VSIG10L2: variants seen among roughly 807,000 people sequenced by gnomAD.
VSIG10L2 encodes V-set and immunoglobulin domain containing 10 like 2, also known as V-set and immunoglobulin domain-containing protein 10-like 2.
In VSIG10L2, 56 loss-of-function variants were observed where a neutral mutation model predicts 67.1. That is an observed-to-expected ratio of 0.83 (90% confidence interval 0.67 to 1.04). The LOEUF is 1.04. VSIG10L2 is among the 50% of genes least tolerant of loss of function. The pLI is 0.00. For missense variants in VSIG10L2, 843 were observed against 932.8 expected, an observed-to-expected ratio of 0.90 and a Z score of 1.25; for synonymous variants, 360 against 396.6, an observed-to-expected ratio of 0.91 and a Z score of 1.10.
At chr11:125,953,022 G>C (rs1476330028) in intron 6 of VSIG10L2, among the ~76,000 whole-genome samples, 1 of 152,172 alleles carries the variant, frequency 6.6e-6, no homozygotes. Context: ...ACCTGCTATG[G>C]TCCCAGCACT....
At position 125,955,865 on chromosome 11, in the gene VSIG10L2, C is replaced by A. The variant is rs992552571; in HGVS notation, c.2333C>A (p.Thr778Asn). 2.9e-6 allele frequency: 2 copies of A among 695,982 alleles called. No homozygotes were observed. Among genetic ancestry groups the A allele is most frequent in the Admixed American group, 2.1e-5 (1 of 48,584 alleles). The allele number at this position is 695,982 out of a possible 1,614,324, so 43.1% of individuals were successfully genotyped here. The part of the protein sequence containing the change: ...TTPGLDPAQE[T>N]TDSPVNVTIT... ...CCAGGTTTGGATCCTGCACAAGAAACCACGGATTCTCCAGTGAATGTCACC... is the reference window on the plus strand; with the variant it reads ...CCAGGTTTGGATCCTGCACAAGAAAACACGGATTCTCCAGTGAATGTCACC... Residue 778 changes from threonine to asparagine, a missense_variant, in exon 12 of 12, where the codon ACC (threonine) becomes AAC (asparagine). By Grantham distance (65) the Thr-to-Asn change is moderately conservative. This residue lies in a region of VSIG10L2 where 397 missense variants were observed against 384.4 expected (regional missense o/e 1.03). Transcript: ENST00000686984.
chr11:125,952,026 G>A lies in VSIG10L2; in HGVS notation c.1448G>A (p.Gly483Asp). 2.0e-6 allele frequency: 3 copies of A among 1,536,050 alleles called. No homozygotes were observed. Among genetic ancestry groups the A allele is most frequent in the East Asian group, 2.4e-5 (1 of 40,924 alleles). ...GCTGGCAGAGAGTTCACCTGCCGGGGCACTCACCTGCTCAGGACCCCTGAC... is the reference window on the plus strand; with the variant it reads ...GCTGGCAGAGAGTTCACCTGCCGGGACACTCACCTGCTCAGGACCCCTGAC... The part of the protein sequence containing the change: ...DLAGREFTCR[G>D]THLLRTPDPH... Residue 483 changes from glycine (G) to aspartate (D), a missense_variant, in exon 6 of 12, where the codon GGC becomes GAC. By Grantham distance (94) the Gly-to-Asp change is moderately conservative. Around this residue, in one of 2 missense-constraint regions of VSIG10L2, gnomAD observed 397 missense variants for 384.4 expected, o/e 1.03. Transcript: ENST00000686984.
At position 125,951,062 on chromosome 11, in the gene VSIG10L2, A is replaced by G. The variant is rs1278847400; in HGVS notation, c.1138A>G (p.Ser380Gly). Residue 380 changes from serine (S) to glycine (G), a missense_variant, in exon 5 of 12, where the codon AGT (serine) becomes GGT (glycine). Around this residue, in one of 2 missense-constraint regions of VSIG10L2, gnomAD observed 446 missense variants for 548.4 expected, o/e 0.81. Transcript: ENST00000686984. The part of the protein sequence containing the change: ...GPTAPSNVTW[S>G]HAAAQLPSGS... ...TACTGCCCCCAGCAACGTCACCTGG[A>G]GTCACGCAGCCGCCCAGCTCCCCAG... 11 of 1,232,692 alleles carry G rather than the reference A, an allele frequency of 8.9e-6. No individual in the cohort carries two copies. The African/African-American group carries it at 1.1e-4, about 12-fold the overall frequency. The allele number at this position is 1,232,692 out of a possible 1,614,324, so 76.4% of individuals were successfully genotyped here. A position where few individuals can be genotyped will look rare whatever the true frequency, so the allele number is the denominator to read the frequency against.
rs906537490 is a variant in VSIG10L2, at chr11:125,954,074, C to T, written c.1787-13C>T. 4.9e-6 allele frequency: 6 copies of T among 1,232,022 alleles called. No homozygotes were observed. Among genetic ancestry groups the T allele is most frequent in the Non-Finnish European group, 6.1e-6 (6 of 988,028 alleles). 76.3% of individuals were successfully genotyped at this position (1,232,022 alleles called of 1,614,324 possible). ...GTATACATGTCCCTTGTTTTGTCCCCACCCTCACCCAGGATATCCAGCTCC... is the reference window on the plus strand; with the variant it reads ...GTATACATGTCCCTTGTTTTGTCCCTACCCTCACCCAGGATATCCAGCTCC... On this transcript the variant is annotated splice_polypyrimidine_tract_variant and intron_variant, in intron 7 of 11. Coordinates refer to ENST00000686984, the MANE Select transcript of VSIG10L2 (RefSeq NM_001365077.2).
intron 3 of VSIG10L2, among the ~76,000 whole-genome samples, 197 bp downstream of exon 3, chr11:125,948,777 T>G (rs1945327106): frequency 1.3e-5 from 2 of 152,256 alleles, no homozygotes; most frequent in Non-Finnish European, 2.9e-5. Context: ...GCTGTTAGCC[T>G]TATAAAGGTC....
chr11:125,951,877 G>A lies in VSIG10L2; in HGVS notation c.1299G>A (p.Leu433=), dbSNP rs577363092. The A allele has an allele frequency of 1.5e-4, 235 of 1,533,846 alleles. No homozygotes were observed. In the African/African-American group the frequency reaches 2.8e-3, roughly 18 times the overall value. The change falls in exon 6 of 12, where the codon CTG becomes CTA. Residue 433 remains leucine (L), a synonymous_variant. Coordinates refer to ENST00000686984, the MANE Select transcript of VSIG10L2 (RefSeq NM_001365077.2). ...CAATGGGGGACCAGTTCATCATGCTGAGCTGCGAGTGGCCTGGCGGCGAGC... is the reference window on the plus strand; with the variant it reads ...CAATGGGGGACCAGTTCATCATGCTAAGCTGCGAGTGGCCTGGCGGCGAGC... ...TATMGDQFIM[L]SCEWPGGEPP...
intron 1 of VSIG10L2, 54 bp from the exon 2 acceptor site, chr11:125,947,632 T>A: frequency 8.1e-7 from 1 of 1,231,924 alleles, no homozygotes; most frequent in Non-Finnish European, 1.0e-6. Flanking sequence ...AGGCAGGGAG[T>A]GCAGGAGAGC....
At chr11:125,947,135 G>A (rs542057689) in intron 1 of VSIG10L2, among the ~76,000 whole-genome samples, 2 of 152,060 alleles carry the variant, frequency 1.3e-5, no homozygotes, top group Non-Finnish European at 2.9e-5. Flanking sequence ...TGATGCGGGC[G>A]GTGTCCTCTT....
intron 2 of VSIG10L2, 36 bp from the exon 3 acceptor site, chr11:125,948,269 G>C: frequency 8.1e-7 from 1 of 1,232,364 alleles, no homozygotes; most frequent in Non-Finnish European, 1.0e-6. Context: ...TCCTGGGTCT[G>C]TAATAACACA....
rs1945407267 is a variant in VSIG10L2 at position 125,953,558 on chromosome 11, C to G, written c.1654C>G (p.Leu552Val). The G allele has an allele frequency of 8.1e-7, 1 of 1,232,256 alleles. No homozygotes were observed. Among genetic ancestry groups the G allele is most frequent in the Non-Finnish European group, 1.0e-6 (1 of 988,038 alleles). The allele number at this position is 1,232,256 out of a possible 1,614,324, so 76.3% of individuals were successfully genotyped here. Residue 552 changes from leucine (L) to valine (V), a missense_variant, in exon 7 of 12, where the codon CTG (leucine) becomes GTG (valine). This residue lies in a region of VSIG10L2 where 397 missense variants were observed against 384.4 expected (regional missense o/e 1.03). Coordinates refer to ENST00000686984, the MANE Select transcript of VSIG10L2 (RefSeq NM_001365077.2). ...KVDPGTSGFM[L>V]HPEGAQLRLG... ...GGACCCCGGCACTTCAGGATTCATG[C>G]TGCACCCTGAGGGTGCCCAGCTGCG... is the stretch of plus-strand genomic sequence containing the variant.
Position 125,955,093 on chromosome 11 carries a change from G to C in VSIG10L2, c.2120G>C (p.Gly707Ala). 2 of 1,239,510 alleles carry C rather than the reference G, an allele frequency of 1.6e-6. No individual in the cohort carries two copies. The highest frequency in any genetic ancestry group is 1.0e-6 in the Non-Finnish European group (1 of 992,690). The allele number at this position is 1,239,510 out of a possible 1,614,324, so 76.8% of individuals were successfully genotyped here. A position where few individuals can be genotyped will look rare whatever the true frequency, so the allele number is the denominator to read the frequency against. Residue 707 changes from glycine (G) to alanine (A), a missense_variant, in exon 9 of 12, where the codon GGT (glycine) becomes GCT (alanine). Transcript: ENST00000686984. The part of the protein sequence containing the change: ...PPFSAYPAVL[G>A]AAGTGMVVAT... ...TTCAGCGCCTACCCAGCGGTGTTGG[G>C]TGCAGCAGGCACGGGAATGGTGGTA...
chr11:125,953,650 C>T lies in VSIG10L2; in HGVS notation c.1746C>T (p.Ala582=), dbSNP rs1945409093. The T allele has an allele frequency of 9.7e-6, 12 of 1,232,250 alleles. No homozygotes were observed. The highest frequency in any genetic ancestry group is 4.2e-5 in the Admixed American group (1 of 23,716). 76.3% of individuals were successfully genotyped at this position (1,232,250 alleles called of 1,614,324 possible). Residue 582 remains alanine (A), a synonymous_variant, in exon 7 of 12, where the codon GCC becomes GCT. Transcript: ENST00000686984. Reference sequence around the variant, plus strand: ...CCTACCAATGCGTGGCCCGCAACGCCGTGGGCAATAGCAGTCAGAGTGTGC... The same window carrying T: ...CCTACCAATGCGTGGCCCGCAACGCTGTGGGCAATAGCAGTCAGAGTGTGC... ...RGTYQCVARN[A]VGNSSQSVLL... is the part of the protein sequence containing the mutation.
chr11:125,947,826 C>T lies in VSIG10L2; in HGVS notation c.223C>T (p.Leu75=). The T allele has an allele frequency of 5.7e-6, 7 of 1,232,526 alleles. No individual in the cohort carries two copies. The highest frequency in any genetic ancestry group is 7.1e-6 in the Non-Finnish European group (7 of 988,254). 76.3% of individuals were successfully genotyped at this position (1,232,526 alleles called of 1,614,324 possible). A position where few individuals can be genotyped will look rare whatever the true frequency, so the allele number is the denominator to read the frequency against. ...CTGGAGCTTCACCCCCCTGGGCTCC[C>T]TGGTTCCCCGGCCTGTGGCCGTCAC... ...VLWSFTPLGS[L]VPRPVAVTDG... is the part of the protein sequence containing the mutation. The change falls in exon 2 of 12, where the codon CTG becomes TTG. Residue 75 remains leucine, a synonymous_variant. Transcript: ENST00000686984.
At position 125,950,985 on chromosome 11, in the gene VSIG10L2, G is replaced by C. The variant is rs940429110; in HGVS notation, c.1061G>C (p.Gly354Ala). The change falls in exon 5 of 12, where the codon GGG (glycine) becomes GCG (alanine). Residue 354 changes from glycine (G) to alanine (A), a missense_variant. By Grantham distance (60) the Gly-to-Ala change is moderately conservative (BLOSUM62 0). Coordinates refer to ENST00000686984, the MANE Select transcript of VSIG10L2 (RefSeq NM_001365077.2). ...EAVTLLCAWP[G>A]GLPPAQLQWE... The stretch of plus-strand genomic sequence containing the variant: ...GTGACCCTGCTCTGTGCCTGGCCTG[G>C]GGGGCTTCCGCCTGCCCAACTGCAG... The C allele has an allele frequency of 1.6e-6, 2 of 1,232,430 alleles. No individual in the cohort carries two copies. The highest frequency in any genetic ancestry group is 2.0e-6 in the Non-Finnish European group (2 of 988,208). The allele number at this position is 1,232,430 out of a possible 1,614,324, so 76.3% of individuals were successfully genotyped here.
Position 125,950,995 on chromosome 11 carries a change from G to C in VSIG10L2, c.1071G>C (p.Pro357=), listed in dbSNP as rs181412048. The change falls in exon 5 of 12, where the codon CCG becomes CCC. Residue 357 remains proline (P), a synonymous_variant. Transcript: ENST00000686984. ...TCTGTGCCTGGCCTGGGGGGCTTCC[G>C]CCTGCCCAACTGCAGTGGGAAGGGC... ...TLLCAWPGGL[P]PAQLQWEGPQ... The C allele has an allele frequency of 8.1e-7, 1 of 1,232,352 alleles. No individual in the cohort carries two copies. Among genetic ancestry groups the C allele is most frequent in the East Asian group, 3.2e-5 (1 of 31,704 alleles). 76.3% of individuals were successfully genotyped at this position (1,232,352 alleles called of 1,614,324 possible). A position where few individuals can be genotyped will look rare whatever the true frequency, so the allele number is the denominator to read the frequency against.
intron 8 of VSIG10L2, 99 bp from the exon 9 acceptor site, chr11:125,954,958 G>C (rs1945436203): frequency 2.6e-6 from 3 of 1,169,706 alleles, no homozygotes; most frequent in Non-Finnish European, 3.2e-6. Flanking sequence ...GGATGAGCAG[G>C]GCACCGCTTC....
rs542019870 is a variant in VSIG10L2 at position 125,947,981 on chromosome 11, C to G, written c.378C>G (p.His126Gln). Reference sequence around the variant, plus strand: ...GCCACTTCCTATGCCAGGTTCTGCACGTGGCTGGCGGCCAGCTCCACGCTG... The same window carrying G: ...GCCACTTCCTATGCCAGGTTCTGCAGGTGGCTGGCGGCCAGCTCCACGCTG... ...ARGHFLCQVL[H>Q]VAGGQLHAAY... Residue 126 changes from histidine to glutamine, a missense_variant, in exon 2 of 12, where the codon CAC (histidine) becomes CAG (glutamine). Transcript: ENST00000686984. The G allele has an allele frequency of 8.1e-7, 1 of 1,232,268 alleles. No individual in the cohort carries two copies. The highest frequency in any genetic ancestry group is 4.1e-5 in the South Asian group (1 of 24,324). The allele number at this position is 1,232,268 out of a possible 1,614,324, so 76.3% of individuals were successfully genotyped here.
chr11:125,947,981 C>T lies in VSIG10L2; in HGVS notation c.378C>T (p.His126=), dbSNP rs542019870. The T allele has an allele frequency of 3.1e-5, 38 of 1,232,268 alleles. No individual in the cohort carries two copies. The highest frequency in any genetic ancestry group is 1.6e-4 in the East Asian group (5 of 31,710). 76.3% of individuals were successfully genotyped at this position (1,232,268 alleles called of 1,614,324 possible). Reference sequence around the variant, plus strand: ...GCCACTTCCTATGCCAGGTTCTGCACGTGGCTGGCGGCCAGCTCCACGCTG... The same window carrying T: ...GCCACTTCCTATGCCAGGTTCTGCATGTGGCTGGCGGCCAGCTCCACGCTG... ...ARGHFLCQVL[H]VAGGQLHAAY... is the part of the protein sequence containing the mutation. Residue 126 remains histidine, a synonymous_variant, in exon 2 of 12, where the codon CAC becomes CAT. Transcript: ENST00000686984.
rs992896885 is a variant in VSIG10L2 at position 125,946,336 on chromosome 11, G to A, written c.82+199G>A. Among the ~76,000 whole-genome samples the A allele has an allele frequency of 6.6e-6, 1 of 152,204 alleles. No individual in the cohort carries two copies. The highest frequency in any genetic ancestry group is 2.4e-5 in the African/African-American group (1 of 41,450). Reference sequence around the variant, plus strand: ...AGAGCACTCTGCTTAACCTTGAGAAGCTGGAGTCATCCTGAGAGCCACTGT... The same window carrying A: ...AGAGCACTCTGCTTAACCTTGAGAAACTGGAGTCATCCTGAGAGCCACTGT... On this transcript the variant is annotated intron_variant, in intron 1 of 11. Transcript: ENST00000686984. The surrounding 1 kb of genome is among the most constrained non-coding windows in gnomAD (Gnocchi z 4.4).
Sources: gnomAD v4.1 joint callset for allele counts (sites outside exome capture counted in the v4.1 genomes callset) on GRCh38, gnomAD v4.1.1 for gene constraint, gnomAD v4.1.1 regional missense constraint, Gnocchi (gnomAD v3.1) non-coding constraint, MANE v1.5 for transcripts, NCBI Gene and HGNC (gene_info 2026-07-23, HGNC 2026-07-21) for gene names.